The following NDUFAF7 variants were observed in gnomAD, a reference collection of about 807,000 sequenced individuals.
The protein encoded by NDUFAF7 is protein arginine methyltransferase NDUFAF7, mitochondrial.
Under a neutral mutation model 47.2 loss-of-function variants are expected in NDUFAF7, and 48 were observed. That is an observed-to-expected ratio of 1.02 (90% CI 0.81 to 1.29). The LOEUF is 1.29. NDUFAF7 is among the 50% of genes most tolerant of loss of function. The pLI, the probability that NDUFAF7 is intolerant of heterozygous loss-of-function variation, is 0.00. For missense variants in NDUFAF7, 635 were observed against 537.6 expected, an observed-to-expected ratio of 1.18 and a Z score of -1.79; for synonymous variants, 217 against 190.0, an observed-to-expected ratio of 1.14 and a Z score of -1.17.
At chr2:37,259,814 CCTT>C in the NDUFAF7 span, 4 of 630,254 alleles carry the variant, frequency 6.3e-6, no homozygotes, top group Non-Finnish European at 1.1e-5. Context: ...TTATTCTGCT[CCTT>C]AAGGTTAACA....
At chr2:37,270,905 G>A in the NDUFAF7 span, among the ~76,000 whole-genome samples, 1 of 152,110 alleles carries the variant, frequency 6.6e-6, no homozygotes, top group East Asian at 1.9e-4. Flanking sequence ...TTTCCCCCAT[G>A]ACATGGATGG....
At chr2:37,253,132 C>A, downstream of NDUFAF7, 1 of 1,518,876 alleles carries the variant, frequency 6.6e-7, no homozygotes. Flanking sequence ...AGCAAAATAT[C>A]AGTCCATAAA....
the NDUFAF7 span, among the ~76,000 whole-genome samples, chr2:37,265,000 TTAA>T: frequency 0.028 from 4,230 of 152,260 alleles, 182 homozygotes; most frequent in African/African-American, 0.096. Context: ...AGCTGTAGTC[TTAA>T]TAATAATATG....
the NDUFAF7 span, among the ~76,000 whole-genome samples, chr2:37,264,919 G>A: frequency 6.6e-5 from 10 of 151,996 alleles, no homozygotes; most frequent in African/African-American, 2.2e-4. Context: ...TGGATACTCC[G>A]GGATAAACTG....
Position 37,247,494 on chromosome 2 carries a change from C to T in NDUFAF7, c.975C>T (p.Ala325=). ...CDHKLHDVLI[A]PGTADLTADV... ...ACAAGCTTCATGATGTCTTAATTGC[C>T]CCAGGAACAGCAGATCTAACAGCTG... The change falls in exon 9 of 10, where the codon GCC becomes GCT. Residue 325 remains alanine (A), a synonymous_variant. Transcript: ENST00000002125. 2 of 1,613,892 alleles carry T rather than the reference C, an allele frequency of 1.2e-6. No homozygotes were observed. The highest frequency in any genetic ancestry group is 8.5e-7 in the Non-Finnish European group (1 of 1,179,942).
At chr2:37,256,990 C>G (rs1049990677), downstream of NDUFAF7, 6 of 1,544,480 alleles carry the variant, frequency 3.9e-6, no homozygotes, top group African/African-American at 8.2e-5. Flanking sequence ...ACTACCTGTC[C>G]CTAAATATAA....
chr2:37,231,752 C>T lies in NDUFAF7; in HGVS notation c.47C>T (p.Ala16Val), dbSNP rs1343346353. 2 of 1,614,186 alleles carry T rather than the reference C, an allele frequency of 1.2e-6. No individual in the cohort carries two copies. The highest frequency in any genetic ancestry group is 2.2e-5 in the South Asian group (2 of 91,082). Residue 16 changes from alanine to valine, a missense_variant, in exon 1 of 10, where the codon GCG (alanine) becomes GTG (valine). Ala to Val is a moderately conservative substitution (Grantham distance 64, BLOSUM62 0). Transcript: ENST00000002125. ...RSGLGPLCAV[A>V]RAAIPFIWRG... ...GGTTTGGGGCCGTTGTGTGCCGTGG[C>T]GCGCGCAGGTAAGCGTCAGTCCCCT... is the stretch of plus-strand genomic sequence containing the variant.
the NDUFAF7 span, among the ~76,000 whole-genome samples, chr2:37,260,888 A>T: frequency 5.9e-5 from 9 of 152,188 alleles, no homozygotes; most frequent in African/African-American, 2.2e-4. Flanking sequence ...TACCCACATT[A>T]TCATGTTTCT....
At chr2:37,259,746 T>C in the NDUFAF7 span, 1 of 1,111,468 alleles carries the variant, frequency 9.0e-7, no homozygotes, top group East Asian at 2.4e-5. Flanking sequence ...ATGTGACTCC[T>C]TGAATGATTT....
chr2:37,233,686 T>C (rs1055164478), intron 2 of NDUFAF7, among the ~76,000 whole-genome samples: 4 of 151,564 alleles, frequency 2.6e-5, no homozygotes, highest in Admixed American at 2.0e-4. Context: ...ATATATACAT[T>C]TGCTCGTCAT....
Position 37,248,534 on chromosome 2 carries a change from A to G in NDUFAF7, c.*184A>G, listed in dbSNP as rs1026194415. On this transcript the variant is annotated 3_prime_UTR_variant, in exon 10 of 10. Coordinates refer to ENST00000002125, the MANE Select transcript of NDUFAF7 (RefSeq NM_144736.5). ...TAGGGTTGTGACTGGCTTTGGTGCA[A>G]ATGTGTGCTCAAGCTAATAAGTTAT... 1.5e-5 allele frequency: 10 copies of G among 649,222 alleles called. No individual in the cohort carries two copies. The highest frequency in any genetic ancestry group is 1.3e-4 in the African/African-American group (7 of 55,286). 40.2% of individuals were successfully genotyped at this position (649,222 alleles called of 1,614,324 possible). A position where few individuals can be genotyped will look rare whatever the true frequency, so the allele number is the denominator to read the frequency against.
downstream of NDUFAF7, among the ~76,000 whole-genome samples, chr2:37,254,945 A>G (rs1175347570): frequency 6.6e-6 from 1 of 152,206 alleles, no homozygotes. Flanking sequence ...CAATTGCAAA[A>G]CCAAGGCAAC....
chr2:37,261,661 T>C, the NDUFAF7 span, among the ~76,000 whole-genome samples: 1 of 141,198 alleles, frequency 7.1e-6, no homozygotes. Flanking sequence ...AAGCCTGTAA[T>C]CCCAGCTACT....
Position 37,236,164 on chromosome 2 carries a change from A to G in NDUFAF7, c.285A>G (p.Gln95=). 1 of 1,609,224 alleles carries G rather than the reference A, an allele frequency of 6.2e-7. No homozygotes were observed. Among genetic ancestry groups the G allele is most frequent in the Non-Finnish European group, 8.5e-7 (1 of 1,175,646 alleles). Residue 95 remains glutamine (Q), a synonymous_variant, in exon 3 of 10, where the codon CAA becomes CAG. Coordinates refer to ENST00000002125, the MANE Select transcript of NDUFAF7 (RefSeq NM_144736.5). The part of the protein sequence containing the change: ...GDFITSPEIS[Q]IFGELLGIWF... ...TCATTACTTCACCTGAAATAAGTCAAATCTTTGGGGAGGTAATATACTATG... is the reference window on the plus strand; with the variant it reads ...TCATTACTTCACCTGAAATAAGTCAGATCTTTGGGGAGGTAATATACTATG...
rs759461 is a variant in NDUFAF7, at chr2:37,246,512, A to C, written c.936+317A>C. ...CTTCACATTCTTAAACCTATCTGTAACCCCCTTCATTCAAGAAAAATTTTG... is the reference window on the plus strand; with the variant it reads ...CTTCACATTCTTAAACCTATCTGTACCCCCCTTCATTCAAGAAAAATTTTG... On this transcript the variant is annotated intron_variant, in intron 8 of 9. Coordinates refer to ENST00000002125, the MANE Select transcript of NDUFAF7 (RefSeq NM_144736.5). 0.72 allele frequency among the ~76,000 whole-genome samples: 109,451 copies of C among 152,006 alleles called. 40,248 individuals carry two copies. Among genetic ancestry groups the C allele is most frequent in the East Asian group, 0.98 (5,063 of 5,160 alleles).
At chr2:37,241,953 T>G in intron 5 of NDUFAF7, 162 bp downstream of exon 5, 1 of 633,918 alleles carries the variant, frequency 1.6e-6, no homozygotes, top group Non-Finnish European at 2.7e-6. Flanking sequence ...AGCATCTTAA[T>G]AGAAAATAAA....
downstream of NDUFAF7, among the ~76,000 whole-genome samples, chr2:37,255,030 C>A (rs1454933889): frequency 6.6e-6 from 1 of 152,196 alleles, no homozygotes; most frequent in South Asian, 2.1e-4. Flanking sequence ...TAGACCCAGA[C>A]ACGAACCAAA....
intron 7 of NDUFAF7, among the ~76,000 whole-genome samples, chr2:37,244,644 G>C (rs1666722406): frequency 6.6e-6 from 1 of 151,800 alleles, no homozygotes; most frequent in African/African-American, 2.4e-5. Context: ...TTTTTTTCCA[G>C]CTCAGAAGAT....
chr2:37,241,487 T>C (rs1189690434), intron 4 of NDUFAF7, 91 bp from the exon 5 acceptor site: 1 of 1,080,822 alleles, frequency 9.3e-7, no homozygotes, highest in Non-Finnish European at 1.4e-6. Context: ...ATTACCTCTA[T>C]TGTGACATGA....
Sources: allele counts gnomAD v4.1 joint callset (sites outside exome capture counted in the v4.1 genomes callset), GRCh38; gene constraint gnomAD v4.1.1; transcripts MANE v1.5; gene names NCBI Gene and HGNC (gene_info 2026-07-23, HGNC 2026-07-21).